Variants in JADE3 observed in about 807,000 individuals in gnomAD.
JADE3 encodes the protein jade family PHD finger 3, also known as protein Jade-3.
In JADE3, 2 loss-of-function variants were observed where a neutral mutation model predicts 50.1. The observed-to-expected ratio is 0.04, with a 90% CI of 0.02 to 0.13. The LOEUF (loss-of-function observed/expected upper bound fraction) is 0.13. JADE3 is among the 10% of genes least tolerant of loss of function. The probability of loss-of-function intolerance (pLI) is 1.00; values close to 1 mark genes in which losing one functional copy is unlikely to be tolerated. For missense variants in JADE3, 475 were observed against 634.4 expected, an observed-to-expected ratio of 0.75 and a Z score of 2.70; for synonymous variants, 218 against 232.9, an observed-to-expected ratio of 0.94 and a Z score of 0.58.
chrX:47,044,290 G>A (rs1556370289), intron 8 of JADE3, among the ~76,000 whole-genome samples: 1 of 111,648 alleles, frequency 9.0e-6, no homozygotes, highest in Non-Finnish European at 1.9e-5. Flanking sequence ...CAAGAGAAAA[G>A]AAACAAATAA....
At position 47,051,043 on chromosome X, in the gene JADE3, G is replaced by A. The variant is rs782777503; in HGVS notation, c.973-3115G>A. ...TCTGATAGTGGTGTTAAAAGCCGGG[G>A]TGGACCATCTTAGGAGCTTCTTATC... is the stretch of plus-strand genomic sequence containing the variant. On this transcript the variant is annotated intron_variant, in intron 8 of 10. Coordinates refer to ENST00000614628, the MANE Select transcript of JADE3 (RefSeq NM_014735.5). Among the ~76,000 whole-genome samples the A allele has an allele frequency of 5.4e-5, 6 of 111,073 alleles. No individual in the cohort carries two copies. In the South Asian group the frequency reaches 2.3e-3, roughly 43 times the overall value.
chrX:46,950,448 G>A (rs1602381466), intron 1 of JADE3, among the ~76,000 whole-genome samples: 1 of 112,370 alleles, frequency 8.9e-6, no homozygotes, highest in Admixed American at 9.4e-5. Flanking sequence ...TTTATCTGTG[G>A]TGGTACAACA....
rs1185836759 is a variant in JADE3 at position 46,976,133 on chromosome X, A to G, written c.-11-8751A>G. On this transcript the variant is annotated intron_variant, in intron 1 of 10. Transcript: ENST00000614628. ...TTTTTAAACTGCTACATGGCCCTGC[A>G]GAGGGCAGTGAATAGGGGCCCCTTG... Among the ~76,000 whole-genome samples, 5 of 112,053 alleles carry G rather than the reference A, an allele frequency of 4.5e-5. No individual in the cohort carries two copies. The Admixed American group carries it at 4.7e-4, about 11-fold the overall frequency.
At chrX:47,005,356 T>C (rs1455771733) in intron 4 of JADE3, among the ~76,000 whole-genome samples, 1 of 111,477 alleles carries the variant, frequency 9.0e-6, no homozygotes, top group African/African-American at 3.3e-5. Flanking sequence ...TTCTCCTGCC[T>C]CAGCCTCCCA....
chrX:47,017,728 T>C (rs782027440), intron 4 of JADE3, among the ~76,000 whole-genome samples: 4 of 112,128 alleles, frequency 3.6e-5, no homozygotes, highest in Admixed American at 9.5e-5. Flanking sequence ...GAGGAAATGA[T>C]TGGATATAGA....
At chrX:46,978,880 CTGT>C (rs1434988030) in intron 1 of JADE3, among the ~76,000 whole-genome samples, 1 of 112,175 alleles carries the variant, frequency 8.9e-6, no homozygotes, top group South Asian at 3.7e-4. Flanking sequence ...ATGTGTAGGA[CTGT>C]TGTTGTGCTT....
intron 7 of JADE3, among the ~76,000 whole-genome samples, chrX:47,037,655 G>A (rs1401297459): frequency 9.0e-6 from 1 of 111,692 alleles, no homozygotes; most frequent in African/African-American, 3.3e-5. Context: ...AATTTTGTGG[G>A]TACATATTAG....
At chrX:46,980,966 G>A (rs781819947) in intron 1 of JADE3, among the ~76,000 whole-genome samples, 42 of 111,556 alleles carry the variant, frequency 3.8e-4, no homozygotes, top group Middle Eastern at 4.6e-3. Context: ...AATGAGATGC[G>A]ATGACAGAAA....
chrX:47,053,917 T>A (rs1929574524), intron 8 of JADE3, among the ~76,000 whole-genome samples: 1 of 111,781 alleles, frequency 8.9e-6, no homozygotes, highest in African/African-American at 3.3e-5. Flanking sequence ...ACTTGATGCT[T>A]GAATGCTTGA....
chrX:46,926,564 A>G lies in JADE3; in HGVS notation c.-12+13845A>G, dbSNP rs782102385. ...CCTGACCCCGTTCTGTGGATTTTTA[A>G]CACATAAATAGATCAGTGCAACCAC... is the stretch of plus-strand genomic sequence containing the variant. On this transcript the variant is annotated intron_variant, in intron 1 of 10. Coordinates refer to ENST00000614628, the MANE Select transcript of JADE3 (RefSeq NM_014735.5). Among the ~76,000 whole-genome samples the G allele has an allele frequency of 3.6e-5, 4 of 112,077 alleles. No individual in the cohort carries two copies. The South Asian group carries it at 1.5e-3, about 42-fold the overall frequency.
chrX:46,958,015 C>T (rs892312260), intron 1 of JADE3, among the ~76,000 whole-genome samples: 1 of 111,756 alleles, frequency 8.9e-6, no homozygotes, highest in Non-Finnish European at 1.9e-5. Flanking sequence ...CTTTCCCAGG[C>T]GGCTACACCA....
chrX:46,923,393 C>CTCTCTTTATTTT (rs1556338199), intron 1 of JADE3, among the ~76,000 whole-genome samples: 1 of 11,522 alleles, frequency 8.7e-5, no homozygotes, highest in East Asian at 3.6e-3. Context: ...CTCTCTCTCT[C>CTCTCTTTATTTT]TTTTTTTTTT....
intron 3 of JADE3, among the ~76,000 whole-genome samples, chrX:46,989,597 A>G (rs1927939780): frequency 8.9e-6 from 1 of 111,923 alleles, no homozygotes; most frequent in South Asian, 3.7e-4. Context: ...TCCTCTAGGT[A>G]GTCATTTCTT....
chrX:46,996,989 A>G (rs1189153163), intron 3 of JADE3, among the ~76,000 whole-genome samples: 1 of 111,963 alleles, frequency 8.9e-6, no homozygotes, highest in Non-Finnish European at 1.9e-5. Flanking sequence ...TTGTAATTAG[A>G]TCATTTGGCA....
chrX:47,044,302 A>G (rs782667192), intron 8 of JADE3, among the ~76,000 whole-genome samples: 1 of 112,013 alleles, frequency 8.9e-6, no homozygotes, highest in Non-Finnish European at 1.9e-5. Flanking sequence ...AACAAATAAC[A>G]TACAATGGAG....
intron 3 of JADE3, among the ~76,000 whole-genome samples, chrX:46,995,503 T>C (rs996315615): frequency 9.0e-6 from 1 of 111,690 alleles, no homozygotes; most frequent in Non-Finnish European, 1.9e-5. Flanking sequence ...TTGTTAAGTT[T>C]TTGGTTTATT....
chrX:47,002,978 A>C (rs1928321395), intron 4 of JADE3, among the ~76,000 whole-genome samples: 1 of 110,852 alleles, frequency 9.0e-6, no homozygotes, highest in African/African-American at 3.3e-5. Context: ...GTTCACCTCT[A>C]CTCCTAATGT....
chrX:47,008,511 AATTAT>A lies in JADE3; in HGVS notation c.284+10244_284+10248del, dbSNP rs781792068. On this transcript the variant is annotated intron_variant, in intron 4 of 10. Transcript: ENST00000614628. ...AATTCTCAATGTTTCTAGTGTTTCA[AATTAT>A]ATTATATTAAATACATATTGGTTTT... Among the ~76,000 whole-genome samples the A allele has an allele frequency of 9.8e-5, 11 of 112,404 alleles. No individual in the cohort carries two copies. In the South Asian group the frequency reaches 1.8e-3, roughly 19 times the overall value.
At position 47,048,203 on chromosome X, in the gene JADE3, A is replaced by G. The variant is rs1418628335; in HGVS notation, c.973-5955A>G. Among the ~76,000 whole-genome samples the G allele has an allele frequency of 4.5e-5, 5 of 111,753 alleles. No homozygotes were observed. In the East Asian group the frequency reaches 1.4e-3, roughly 31 times the overall value. On this transcript the variant is annotated intron_variant, in intron 8 of 10. Transcript: ENST00000614628. ...CTACCATAAATCACATCGTTAGCAT[A>G]GACTATCTCACTTGGCCCAAGGACC...
Sources: allele counts gnomAD v4.1 joint callset (sites outside exome capture counted in the v4.1 genomes callset), GRCh38; gene constraint gnomAD v4.1.1; transcripts MANE v1.5; gene names NCBI Gene and HGNC (gene_info 2026-07-23, HGNC 2026-07-21).